Variants in TUSC3 observed in about 807,000 individuals in gnomAD.
TUSC3 encodes tumor suppressor candidate 3, also known as dolichyl-diphosphooligosaccharide--protein glycosyltransferase subunit TUSC3.
Under a neutral mutation model 44.8 loss-of-function variants are expected in TUSC3, and 45 were observed. That is an observed-to-expected ratio of 1.00 (90% CI 0.79 to 1.29). The LOEUF is 1.29. Ranked by LOEUF, TUSC3 falls within the 50% of genes most tolerant of loss-of-function variation. The pLI is 0.00. For synonymous variants in TUSC3, 212 were observed against 152.9 expected, an observed-to-expected ratio of 1.39 and a Z score of -2.85; for missense variants, 519 against 437.9, an observed-to-expected ratio of 1.19 and a Z score of -1.65.
At chr8:15,513,860 T>C (rs1801175789) in intron 2 of TUSC3, among the ~76,000 whole-genome samples, 1 of 152,188 alleles carries the variant, frequency 6.6e-6, no homozygotes, top group Non-Finnish European at 1.5e-5. Context: ...GTCTAACTTT[T>C]ACTTGCTCCC....
chr8:15,743,206 G>A (rs537710337), intron 7 of TUSC3, among the ~76,000 whole-genome samples: 1 of 152,294 alleles, frequency 6.6e-6, no homozygotes, highest in African/African-American at 2.4e-5. Flanking sequence ...ATGTCTATAA[G>A]CAGTGCATAT....
intron 6 of TUSC3, among the ~76,000 whole-genome samples, chr8:15,681,559 C>CTTTTT (rs71211069): frequency 1.4e-5 from 2 of 145,958 alleles, no homozygotes; most frequent in African/African-American, 2.5e-5. Context: ...GATCTTTTCT[C>CTTTTT]TTTTTTTTTT....
the TUSC3 span, among the ~76,000 whole-genome samples, chr8:15,795,795 A>T: frequency 6.6e-6 from 1 of 152,206 alleles, no homozygotes; most frequent in Non-Finnish European, 1.5e-5. Context: ...GCATTTCCAG[A>T]TCAGTTTGAG....
At chr8:15,832,773 A>G in the TUSC3 span, among the ~76,000 whole-genome samples, 1 of 152,152 alleles carries the variant, frequency 6.6e-6, no homozygotes, top group African/African-American at 2.4e-5. Flanking sequence ...GAGCACCCAC[A>G]TTCCTAAAGC....
chr8:15,790,236 A>G, the TUSC3 span, among the ~76,000 whole-genome samples: 2 of 115,738 alleles, frequency 1.7e-5, no homozygotes, highest in Non-Finnish European at 3.2e-5. Flanking sequence ...ACCAGGCTGG[A>G]GTGCAGTGGC....
intron 1 of TUSC3, among the ~76,000 whole-genome samples, chr8:15,455,416 C>T (rs1323581236): frequency 6.6e-6 from 1 of 151,922 alleles, no homozygotes; most frequent in African/African-American, 2.4e-5. Context: ...TATACACATA[C>T]ACACCTATGT....
At chr8:15,835,863 T>A in the TUSC3 span, among the ~76,000 whole-genome samples, 218 of 132,410 alleles carry the variant, frequency 1.6e-3, 2 homozygotes, top group Middle Eastern at 4.0e-3. Flanking sequence ...GAAAGAATTA[T>A]AATTTTCTGA....
At chr8:15,559,832 C>CT (rs1166869692) in intron 1 of TUSC3, among the ~76,000 whole-genome samples, 1 of 97,260 alleles carries the variant, frequency 1.0e-5, no homozygotes, top group Non-Finnish European at 2.1e-5. Context: ...CAACCCCTGC[C>CT]TTTTTTTGTT....
At chr8:15,522,931 C>A (rs1041910356) in intron 2 of TUSC3, among the ~76,000 whole-genome samples, 1 of 152,060 alleles carries the variant, frequency 6.6e-6, no homozygotes, top group Non-Finnish European at 1.5e-5. Flanking sequence ...CAGAGAGAGG[C>A]GCAGTGGGAG....
At chr8:15,823,039 A>G in the TUSC3 span, among the ~76,000 whole-genome samples, 6 of 152,166 alleles carry the variant, frequency 3.9e-5, no homozygotes, top group Non-Finnish European at 8.8e-5. Flanking sequence ...TTTCTAAAGG[A>G]AGAGGACAAG....
In TUSC3 at chr8:15,685,360, G is replaced by A. The variant is rs545830310; in HGVS notation, c.798+11524G>A. ...CTGGCTTCCTCCCTCTTTAATCACAGTGTCCATCTCTTCTCTATTGACTTG... is the reference window on the plus strand; with the variant it reads ...CTGGCTTCCTCCCTCTTTAATCACAATGTCCATCTCTTCTCTATTGACTTG... On this transcript the variant is annotated intron_variant, in intron 6 of 10. Transcript: ENST00000503731. Among the ~76,000 whole-genome samples, 28 of 152,140 alleles carry A rather than the reference G, an allele frequency of 1.8e-4. No individual in the cohort carries two copies. The South Asian group carries it at 5.8e-3, about 32-fold the overall frequency.
At chr8:15,767,431 CAG>C (rs1812362162), downstream of TUSC3, among the ~76,000 whole-genome samples, 2 of 119,290 alleles carry the variant, frequency 1.7e-5, no homozygotes, top group Non-Finnish European at 3.5e-5. Flanking sequence ...CTTAGAAAAA[CAG>C]GAAAAAAAAA....
intron 1 of TUSC3, among the ~76,000 whole-genome samples, chr8:15,482,424 G>A (rs1456595523): frequency 6.6e-6 from 1 of 152,178 alleles, no homozygotes; most frequent in Non-Finnish European, 1.5e-5. Flanking sequence ...CATCAAGGCA[G>A]CTATAGCGTT....
At chr8:15,428,216 G>C (rs1465040532) in intron 1 of TUSC3, among the ~76,000 whole-genome samples, 1 of 146,922 alleles carries the variant, frequency 6.8e-6, no homozygotes, top group African/African-American at 2.5e-5. Flanking sequence ...GAGAACATGT[G>C]GTGTTTGGTT....
chr8:15,844,908 T>A, the TUSC3 span, among the ~76,000 whole-genome samples: 1 of 152,166 alleles, frequency 6.6e-6, no homozygotes, highest in Non-Finnish European at 1.5e-5. Context: ...GAGATGATCG[T>A]GAGTGGTCTT....
chr8:15,833,447 A>T, the TUSC3 span, among the ~76,000 whole-genome samples: 141,845 of 152,228 alleles, frequency 0.93, 66,255 homozygotes, highest in Non-Finnish European at 0.96. Context: ...AACAAAGACA[A>T]GGAATTAACC....
chr8:15,729,157 G>A (rs1810613370), intron 6 of TUSC3, among the ~76,000 whole-genome samples: 1 of 152,084 alleles, frequency 6.6e-6, no homozygotes, highest in African/African-American at 2.4e-5. Context: ...CAGTTGTTAC[G>A]TAAATTTGGC....
intron 1 of TUSC3, among the ~76,000 whole-genome samples, chr8:15,480,145 AG>A (rs1172536308): frequency 6.6e-6 from 1 of 152,206 alleles, no homozygotes; most frequent in African/African-American, 2.4e-5. Context: ...GACCTATTCA[AG>A]GAGAACTACA....
At chr8:15,585,606 T>C (rs2129148485) in intron 1 of TUSC3, among the ~76,000 whole-genome samples, 1 of 152,326 alleles carries the variant, frequency 6.6e-6, no homozygotes, top group South Asian at 2.1e-4. Context: ...GTCTTCCTAA[T>C]GTGCCTGTGG....
Sources: allele counts gnomAD v4.1 joint callset (sites outside exome capture counted in the v4.1 genomes callset), GRCh38; gene constraint gnomAD v4.1.1; transcripts MANE v1.5; gene names NCBI Gene and HGNC (gene_info 2026-07-23, HGNC 2026-07-21).